Variants in CCSER1 observed in about 807,000 individuals in gnomAD.
The protein encoded by CCSER1 is coiled-coil serine rich protein 1, also known as serine-rich coiled-coil domain-containing protein 1.
In CCSER1, 41 loss-of-function variants were observed where a neutral mutation model predicts 82.0. The ratio of observed to expected loss-of-function variants is 0.50; its 90% CI spans 0.39 to 0.65. The LOEUF (loss-of-function observed/expected upper bound fraction) is 0.65. Among genes scored for constraint, CCSER1 ranks in the 30% least tolerant of loss-of-function variants. CCSER1 has a pLI of 0.00. For synonymous variants in CCSER1, 414 were observed against 383.9 expected (o/e 1.08, Z -0.92); for missense variants, 1,119 against 1,064.2 (o/e 1.05, Z -0.72).
intron 10 of CCSER1, among the ~76,000 whole-genome samples, chr4:91,321,862 C>T (rs1746221818): frequency 6.6e-6 from 1 of 152,040 alleles, no homozygotes; most frequent in African/African-American, 2.4e-5. Context: ...TCTCTTATCA[C>T]ACCAAGAATT....
intron 1 of CCSER1, among the ~76,000 whole-genome samples, chr4:90,292,809 A>G (rs889630040): frequency 2.0e-5 from 3 of 151,870 alleles, no homozygotes; most frequent in South Asian, 2.1e-4. Context: ...GTTGGATTCC[A>G]TATTACTGCC....
At chr4:91,347,463 G>A (rs982711022) in intron 10 of CCSER1, among the ~76,000 whole-genome samples, 12 of 150,940 alleles carry the variant, frequency 8.0e-5, no homozygotes, top group African/African-American at 3.0e-4. Flanking sequence ...TTTTTCTTAT[G>A]AAATTTAGAA....
chr4:91,403,292 T>C (rs1035923304), intron 10 of CCSER1, among the ~76,000 whole-genome samples: 1 of 152,224 alleles, frequency 6.6e-6, no homozygotes, highest in Non-Finnish European at 1.5e-5. Context: ...AAGGAGATTT[T>C]GGGCTGAGAT....
intron 7 of CCSER1, among the ~76,000 whole-genome samples, chr4:90,763,862 A>G (rs752744043): frequency 7.2e-4 from 109 of 152,052 alleles, no homozygotes; most frequent in Non-Finnish European, 1.3e-3. Flanking sequence ...TACTTTAGGA[A>G]TTTTTCCTCA....
chr4:90,828,559 T>C (rs1760765519), intron 8 of CCSER1, among the ~76,000 whole-genome samples: 1 of 152,174 alleles, frequency 6.6e-6, no homozygotes, highest in Admixed American at 6.5e-5. Flanking sequence ...ACTTTACAAC[T>C]CTTTGAGCTA....
At chr4:91,230,557 A>G (rs1446916449) in intron 10 of CCSER1, among the ~76,000 whole-genome samples, 1 of 152,058 alleles carries the variant, frequency 6.6e-6, no homozygotes, top group East Asian at 1.9e-4. Flanking sequence ...TTTTAAAATT[A>G]CTTTTTAAGA....
chr4:91,299,586 T>C (rs1484270165), intron 10 of CCSER1, among the ~76,000 whole-genome samples: 3 of 151,980 alleles, frequency 2.0e-5, no homozygotes, highest in African/African-American at 7.2e-5. Context: ...CTAACTAGTT[T>C]GATTCCAGTC....
In CCSER1 at chr4:90,815,753, T is replaced by G; in HGVS notation, c.2011-9T>G. On this transcript the variant is annotated splice_polypyrimidine_tract_variant and intron_variant, in intron 7 of 10. Transcript: ENST00000509176. The stretch of plus-strand genomic sequence containing the variant: ...AGCCTATTATGCTGTCTCTTTGATG[T>G]TTTTATAGGATATAATGAAAGATGA... 1.3e-6 allele frequency: 2 copies of G among 1,547,142 alleles called. No homozygotes were observed. Among genetic ancestry groups the G allele is most frequent in the Non-Finnish European group, 1.7e-6 (2 of 1,143,616 alleles).
intron 7 of CCSER1, among the ~76,000 whole-genome samples, chr4:90,730,036 A>G (rs750590632): frequency 1.9e-4 from 29 of 152,212 alleles, no homozygotes; most frequent in Admixed American, 6.5e-4. Flanking sequence ...AAGGAATATT[A>G]TTTAACCACT....
At chr4:90,803,069 A>C (rs1315619745) in intron 7 of CCSER1, among the ~76,000 whole-genome samples, 1 of 152,162 alleles carries the variant, frequency 6.6e-6, no homozygotes, top group East Asian at 1.9e-4. Flanking sequence ...TACAAATACA[A>C]AGAAAGTCAT....
At chr4:91,503,716 G>T (rs1466002197) in intron 10 of CCSER1, among the ~76,000 whole-genome samples, 2 of 152,018 alleles carry the variant, frequency 1.3e-5, no homozygotes, top group Admixed American at 6.6e-5. Flanking sequence ...TAATATGTGC[G>T]TAAAAAAACT....
intron 1 of CCSER1, among the ~76,000 whole-genome samples, chr4:90,208,779 T>G (rs2153412578): frequency 6.6e-6 from 1 of 152,210 alleles, no homozygotes; most frequent in South Asian, 2.1e-4. Flanking sequence ...CCCCTTTTGC[T>G]TCCCAGGTGA....
intron 10 of CCSER1, among the ~76,000 whole-genome samples, chr4:91,502,036 T>A (rs1759237266): frequency 6.6e-6 from 1 of 152,176 alleles, no homozygotes; most frequent in Non-Finnish European, 1.5e-5. Context: ...TAAAAGATTG[T>A]ATTGCGACTT....
At chr4:91,058,006 C>G (rs549229066) in intron 9 of CCSER1, among the ~76,000 whole-genome samples, 2 of 152,196 alleles carry the variant, frequency 1.3e-5, no homozygotes. Flanking sequence ...ATGTCAAAAC[C>G]CAGATTCCTT....
At chr4:91,517,010 T>A (rs1336009381) in intron 10 of CCSER1, among the ~76,000 whole-genome samples, 4 of 152,172 alleles carry the variant, frequency 2.6e-5, no homozygotes, top group African/African-American at 9.6e-5. Context: ...TGCAGGTTGT[T>A]GATATATTGG....
chr4:90,874,438 A>T (rs370505445), intron 8 of CCSER1, among the ~76,000 whole-genome samples: 1 of 51,530 alleles, frequency 1.9e-5, no homozygotes, highest in Non-Finnish European at 4.2e-5. Flanking sequence ...TTTTTCCCAT[A>T]AAAAAAAAAT....
intron 1 of CCSER1, among the ~76,000 whole-genome samples, chr4:90,230,112 C>T (rs1744148842): frequency 6.6e-6 from 1 of 152,126 alleles, no homozygotes; most frequent in East Asian, 1.9e-4. Context: ...AGCTCTGCAC[C>T]AAGCGGACCT....
At chr4:90,607,404 T>C (rs1215966120) in intron 5 of CCSER1, among the ~76,000 whole-genome samples, 1 of 152,154 alleles carries the variant, frequency 6.6e-6, no homozygotes, top group Admixed American at 6.5e-5. Context: ...CTTAAACCAA[T>C]AGAAATTTAT....
intron 10 of CCSER1, among the ~76,000 whole-genome samples, chr4:91,110,436 T>C (rs1726000824): frequency 6.6e-6 from 1 of 152,052 alleles, no homozygotes; most frequent in Non-Finnish European, 1.5e-5. Flanking sequence ...GTTGTTTCTG[T>C]TACTTCACTT....
Sources: allele counts gnomAD v4.1 joint callset (sites outside exome capture counted in the v4.1 genomes callset), GRCh38; gene constraint gnomAD v4.1.1; transcripts MANE v1.5; gene names NCBI Gene and HGNC (gene_info 2026-07-23, HGNC 2026-07-21).